Variants in MORN5 observed in about 807,000 individuals in gnomAD.
MORN5 encodes the protein MORN repeat containing 5.
In MORN5, 21 loss-of-function variants were observed where a neutral mutation model predicts 22.1. The ratio of observed to expected loss-of-function variants is 0.95; its 90% CI spans 0.67 to 1.37. The LOEUF is 1.37. MORN5 is among the 40% of genes most tolerant of loss of function. The probability of loss-of-function intolerance (pLI) is 0.00; values close to 1 mark genes in which losing one functional copy is unlikely to be tolerated. For missense variants in MORN5, 211 were observed against 215.1 expected (o/e 0.98, Z 0.12); for synonymous variants, 73 against 74.0 (o/e 0.99, Z 0.07).
At chr9:122,163,691 C>T (rs949685574) in intron 1 of MORN5, among the ~76,000 whole-genome samples, 7 of 152,194 alleles carry the variant, frequency 4.6e-5, no homozygotes, top group Non-Finnish European at 7.4e-5. Context: ...GCTGGACAGG[C>T]GGTCTGTGCT....
chr9:122,181,807 G>T (rs1270620454), intron 4 of MORN5, among the ~76,000 whole-genome samples: 1 of 152,198 alleles, frequency 6.6e-6, no homozygotes, highest in African/African-American at 2.4e-5. Context: ...ACCTATTGGA[G>T]AAATTATGGT....
chr9:122,190,669 C>T (rs1467608988), intron 4 of MORN5, among the ~76,000 whole-genome samples: 4 of 152,262 alleles, frequency 2.6e-5, no homozygotes, highest in East Asian at 1.9e-4. Flanking sequence ...GGGGAAAAGC[C>T]GGAGCAGGCC....
chr9:122,183,951 G>T (rs903177483), intron 4 of MORN5, among the ~76,000 whole-genome samples: 8 of 152,288 alleles, frequency 5.3e-5, no homozygotes, highest in African/African-American at 1.9e-4. Context: ...TCATTTGAAT[G>T]CACACTCCAT....
chr9:122,183,605 A>C (rs1829567683), intron 4 of MORN5, among the ~76,000 whole-genome samples: 1 of 152,242 alleles, frequency 6.6e-6, no homozygotes, highest in Non-Finnish European at 1.5e-5. Context: ...GAAAGGTCTC[A>C]GTACCATCCT....
At position 122,169,771 on chromosome 9, in the gene MORN5, AC is replaced by A. The variant is rs1261870608; in HGVS notation, c.307+18del. On this transcript the variant is annotated intron_variant, in intron 3 of 4. Transcript: ENST00000373764. ...GAAGCCTGCAGGTACCCAGGCACCC[AC>A]CCTTTCCTTCATACCCAAACTGAGA... 3.3e-6 allele frequency: 5 copies of A among 1,537,674 alleles called. No homozygotes were observed. The South Asian group carries it at 5.6e-5, about 17-fold the overall frequency.
intron 1 of MORN5, among the ~76,000 whole-genome samples, chr9:122,165,060 T>C (rs1829254522): frequency 6.6e-6 from 1 of 152,140 alleles, no homozygotes; most frequent in Admixed American, 6.5e-5. Context: ...CAAAACAAGA[T>C]AGAAAGTGTT....
At chr9:122,181,589 A>T (rs539770022) in intron 4 of MORN5, among the ~76,000 whole-genome samples, 2 of 152,330 alleles carry the variant, frequency 1.3e-5, no homozygotes, top group Admixed American at 6.5e-5. Flanking sequence ...AGACTGAGTT[A>T]GGATCTCTTG....
chr9:122,169,621 A>G (rs749391950), intron 2 of MORN5, 24 bp from the exon 3 acceptor site: 1 of 1,546,182 alleles, frequency 6.5e-7, no homozygotes, highest in Non-Finnish European at 8.9e-7. Context: ...CCTCAGATGC[A>G]CGTGTGTGCT....
At position 122,169,632 on chromosome 9, in the gene MORN5, C is replaced by T. The variant is rs1373153502; in HGVS notation, c.196-13C>T. On this transcript the variant is annotated splice_polypyrimidine_tract_variant and intron_variant, in intron 2 of 4. Coordinates refer to ENST00000373764, the MANE Select transcript of MORN5 (RefSeq NM_198469.4). ...GCTTCCTCAGATGCACGTGTGTGCTCCTTGTCTTCCAGGGCACATATACGT... is the reference window on the plus strand; with the variant it reads ...GCTTCCTCAGATGCACGTGTGTGCTTCTTGTCTTCCAGGGCACATATACGT... The T allele has an allele frequency of 6.3e-7, 1 of 1,598,766 alleles. No homozygotes were observed. The highest frequency in any genetic ancestry group is 8.6e-7 in the Non-Finnish European group (1 of 1,165,998).
chr9:122,174,556 G>T lies in MORN5; in HGVS notation c.368G>T (p.Cys123Phe). Reference sequence around the variant, plus strand: ...AAAATCCCCAAGGGCTATTACGATTGTGGAGACGGCTTCTATAACCCAGTC... The same window carrying T: ...AAAATCCCCAAGGGCTATTACGATTTTGGAGACGGCTTCTATAACCCAGTC... Reference protein sequence around the residue: ...PRKIPKGYYDCGDGFYNPVTR... With the variant: ...PRKIPKGYYDFGDGFYNPVTR... Residue 123 changes from cysteine (C) to phenylalanine (F), a missense_variant, in exon 4 of 5, where the codon TGT becomes TTT. Physicochemically the swap from Cys to Phe is radical, Grantham distance 205 (BLOSUM62 -2). Coordinates refer to ENST00000373764, the MANE Select transcript of MORN5 (RefSeq NM_198469.4). 1 of 1,614,096 alleles carries T rather than the reference G, an allele frequency of 6.2e-7. No individual in the cohort carries two copies. Among genetic ancestry groups the T allele is most frequent in the Non-Finnish European group, 8.5e-7 (1 of 1,180,008 alleles).
At chr9:122,179,065 G>C (rs1382297773) in intron 4 of MORN5, among the ~76,000 whole-genome samples, 2 of 152,108 alleles carry the variant, frequency 1.3e-5, no homozygotes, top group African/African-American at 4.8e-5. Context: ...AGATCTACTC[G>C]GTAACCTAAA....
rs768763472 is a variant in MORN5 at position 122,166,818 on chromosome 9, G to T, written c.98G>T (p.Gly33Val). Residue 33 changes from glycine (G) to valine (V), a missense_variant, in exon 2 of 5, where the codon GGG (glycine) becomes GTG (valine). Coordinates refer to ENST00000373764, the MANE Select transcript of MORN5 (RefSeq NM_198469.4). ...CTCCCTACCGAAACAATATATGTTG[G>T]GGAAATGAAGGATGGCATGTTTCAC... ...YILPTETIYV[G>V]EMKDGMFHGE... 3 of 1,613,870 alleles carry T rather than the reference G, an allele frequency of 1.9e-6. No individual in the cohort carries two copies. Among genetic ancestry groups the T allele is most frequent in the Middle Eastern group, 1.7e-4 (1 of 6,060 alleles).
At chr9:122,190,286 G>A (rs752709014) in intron 4 of MORN5, among the ~76,000 whole-genome samples, 14 of 152,210 alleles carry the variant, frequency 9.2e-5, no homozygotes, top group Non-Finnish European at 1.6e-4. Context: ...AAAACAAAGT[G>A]TATCCACATG....
intron 1 of MORN5, among the ~76,000 whole-genome samples, chr9:122,163,380 G>A (rs1381912559): frequency 6.6e-6 from 1 of 152,184 alleles, no homozygotes; most frequent in Non-Finnish European, 1.5e-5. Context: ...AACCCAGGTC[G>A]ATCAGACTGT....
In MORN5 at chr9:122,185,059, C is replaced by CT. The variant is rs555921322; in HGVS notation, c.439+10442dup. On this transcript the variant is annotated intron_variant, in intron 4 of 4. Coordinates refer to ENST00000373764, the MANE Select transcript of MORN5 (RefSeq NM_198469.4). ...AACTTTGGCCAATGAACAAGTCTTT[C>CT]TTTTTTTTTTCTTTGAGACGGAGTC... 1.6e-3 allele frequency among the ~76,000 whole-genome samples: 248 copies of CT among 150,628 alleles called. 1 individual carries two copies. Among genetic ancestry groups the CT allele is most frequent in the African/African-American group, 5.7e-3 (233 of 41,146 alleles).
chr9:122,163,058 G>C (rs1382249584), intron 1 of MORN5, among the ~76,000 whole-genome samples: 1 of 151,344 alleles, frequency 6.6e-6, no homozygotes, highest in Non-Finnish European at 1.5e-5. Context: ...AAAAAAAAAA[G>C]GTTAATGTAG....
intron 4 of MORN5, chr9:122,175,565 A>G: frequency 3.0e-6 from 3 of 985,266 alleles, no homozygotes; most frequent in Non-Finnish European, 3.6e-6. Flanking sequence ...TGCCAGAAAA[A>G]TGTCCAATGC....
At chr9:122,180,670 G>A (rs908720826) in intron 4 of MORN5, among the ~76,000 whole-genome samples, 1 of 152,210 alleles carries the variant, frequency 6.6e-6, no homozygotes, top group Non-Finnish European at 1.5e-5. Context: ...GGTGGGACCA[G>A]CTGTTGGTGG....
rs1829919302 is a variant in MORN5, at chr9:122,197,502, G to C, written c.440-2383G>C. 6.6e-6 allele frequency among the ~76,000 whole-genome samples: 1 copy of C among 152,184 alleles called. No individual in the cohort carries two copies. The highest frequency in any genetic ancestry group is 1.5e-5 in the Non-Finnish European group (1 of 68,028). On this transcript the variant is annotated intron_variant, in intron 4 of 4. Coordinates refer to ENST00000373764, the MANE Select transcript of MORN5 (RefSeq NM_198469.4). This position sits in a 1 kb window ranked among gnomAD's most constrained non-coding sequence, Gnocchi z 5.7. The stretch of plus-strand genomic sequence containing the variant: ...TCACCCTGGCGTGGCAGGGCCAGGG[G>C]AGCCGCAGAGAGGCGCAGGGGAGGC...
Sources: gnomAD v4.1 joint callset for allele counts (sites outside exome capture counted in the v4.1 genomes callset) on GRCh38, gnomAD v4.1.1 for gene constraint, Gnocchi (gnomAD v3.1) non-coding constraint, MANE v1.5 for transcripts, NCBI Gene and HGNC (gene_info 2026-07-23, HGNC 2026-07-21) for gene names.